Variants in CSMD1 observed in about 807,000 individuals in gnomAD.
CSMD1 encodes the protein CUB and sushi domain-containing protein 1.
CSMD1 carries 213 observed loss-of-function variants against 417.5 expected under a neutral mutation model. The ratio of observed to expected loss-of-function variants is 0.51; its 90% confidence interval spans 0.46 to 0.57. The LOEUF is 0.57. Ranked by LOEUF, CSMD1 falls within the 20% of genes least tolerant of loss-of-function variation. The probability of loss-of-function intolerance (pLI) is 0.00; values close to 1 mark genes in which losing one functional copy is unlikely to be tolerated. For missense variants in CSMD1, 6,923 were observed against 4,529.7 expected, an observed-to-expected ratio of 1.53 and a Z score of -15.17; for synonymous variants, 2,862 against 1,736.8, an observed-to-expected ratio of 1.65 and a Z score of -16.11.
chr8:3,221,674 T>C (rs1336245594), intron 28 of CSMD1, among the ~76,000 whole-genome samples: 1 of 152,074 alleles, frequency 6.6e-6, no homozygotes, highest in Non-Finnish European at 1.5e-5. Flanking sequence ...TCCTTATTTC[T>C]ACCTCTGCCA....
intron 26 of CSMD1, among the ~76,000 whole-genome samples, chr8:3,240,450 G>A (rs1457227168): frequency 6.6e-6 from 1 of 151,906 alleles, no homozygotes; most frequent in African/African-American, 2.4e-5. Flanking sequence ...ATAGGTGTTG[G>A]GGTTTGAGAG....
In CSMD1 at chr8:3,701,508, C is replaced by T. The variant is rs914924463; in HGVS notation, c.1009+6906G>A. Among the ~76,000 whole-genome samples the T allele has an allele frequency of 7.7e-4, 10 of 13,030 alleles. No individual in the cohort carries two copies. The African/African-American group carries it at 8.5e-3, about 11-fold the overall frequency. The allele number at this position is 13,030 out of a possible 152,430, so 8.5% of individuals were successfully genotyped here. A position where few individuals can be genotyped will look rare whatever the true frequency, so the allele number is the denominator to read the frequency against. ...GACTCTTCAGGATATAGGATTAAAC[C>T]TTATTTTTTTTTTTTAGCATATTGG... On this transcript the variant is annotated intron_variant, in intron 7 of 69. Transcript: ENST00000635120.
intron 23 of CSMD1, among the ~76,000 whole-genome samples, chr8:3,334,375 G>C (rs913068976): frequency 9.2e-5 from 14 of 152,120 alleles, no homozygotes; most frequent in Admixed American, 2.0e-4. Context: ...ACAATGCTTA[G>C]TGCTTCTGTA....
At chr8:3,916,118 A>C (rs1293719215) in intron 5 of CSMD1, among the ~76,000 whole-genome samples, 1 of 152,030 alleles carries the variant, frequency 6.6e-6, no homozygotes, top group Non-Finnish European at 1.5e-5. Flanking sequence ...AAAAGATAAC[A>C]TGCCAGTAAA....
chr8:4,765,833 G>A (rs770355419), intron 1 of CSMD1, among the ~76,000 whole-genome samples: 1 of 152,184 alleles, frequency 6.6e-6, no homozygotes, highest in Non-Finnish European at 1.5e-5. Flanking sequence ...AATAGTTAGA[G>A]AGAGCTTAGT....
At chr8:4,178,770 ATTG>A (rs1356920555) in intron 3 of CSMD1, among the ~76,000 whole-genome samples, 1 of 152,308 alleles carries the variant, frequency 6.6e-6, no homozygotes, top group East Asian at 1.9e-4. Flanking sequence ...AATTACAAGC[ATTG>A]TTATACACCA....
rs1024825354 is a variant in CSMD1 at position 4,299,292 on chromosome 8, C to A, written c.415+120661G>T. Reference sequence around the variant, plus strand: ...CGGATAAGATAAAGTTTTTCTTCACCCCCATCACCCCCAGAGAACGCACTT... The same window carrying A: ...CGGATAAGATAAAGTTTTTCTTCACACCCATCACCCCCAGAGAACGCACTT... On this transcript the variant is annotated intron_variant, in intron 3 of 69. Coordinates refer to ENST00000635120, the MANE Select transcript of CSMD1 (RefSeq NM_033225.6). Among the ~76,000 whole-genome samples the A allele has an allele frequency of 3.9e-5, 6 of 151,942 alleles. No homozygotes were observed. The East Asian group carries it at 1.2e-3, about 29-fold the overall frequency.
At chr8:4,052,634 C>T (rs1166825389) in intron 3 of CSMD1, among the ~76,000 whole-genome samples, 2 of 152,102 alleles carry the variant, frequency 1.3e-5, no homozygotes, top group Non-Finnish European at 2.9e-5. Context: ...TCAACCTAGG[C>T]ATCTCCTTTG....
intron 23 of CSMD1, among the ~76,000 whole-genome samples, chr8:3,340,667 T>A (rs975958815): frequency 1.3e-5 from 2 of 152,222 alleles, no homozygotes; most frequent in Non-Finnish European, 2.9e-5. Flanking sequence ...TTTGATGACC[T>A]TGGGGAGCTG....
intron 33 of CSMD1, 139 bp from the exon 34 acceptor site, chr8:3,190,254 G>A: frequency 3.4e-6 from 2 of 581,860 alleles, no homozygotes; most frequent in Non-Finnish European, 2.9e-6. Context: ...AATCGCTATA[G>A]AGAATGATTT....
chr8:4,018,874 G>C (rs1415975979), intron 4 of CSMD1, among the ~76,000 whole-genome samples: 1 of 152,142 alleles, frequency 6.6e-6, no homozygotes, highest in African/African-American at 2.4e-5. Flanking sequence ...ATCTAAACCA[G>C]AGGGATGATG....
intron 42 of CSMD1, among the ~76,000 whole-genome samples, chr8:3,115,437 G>C (rs1816808060): frequency 6.6e-6 from 1 of 152,102 alleles, no homozygotes; most frequent in South Asian, 2.1e-4. Flanking sequence ...CCTGACCTCA[G>C]GTGATCCACC....
At chr8:4,164,219 T>C (rs1048803705) in intron 3 of CSMD1, among the ~76,000 whole-genome samples, 6 of 151,944 alleles carry the variant, frequency 3.9e-5, no homozygotes, top group Non-Finnish European at 7.4e-5. Flanking sequence ...ATGACAAAAA[T>C]ATTTGAAATA....
intron 3 of CSMD1, among the ~76,000 whole-genome samples, chr8:4,356,705 C>A (rs533640803): frequency 6.6e-6 from 1 of 152,086 alleles, no homozygotes; most frequent in Admixed American, 6.6e-5. Flanking sequence ...TCCTTCTCAC[C>A]GTGCTCTCCA....
chr8:3,590,430 G>T (rs1800797565), intron 8 of CSMD1, among the ~76,000 whole-genome samples: 2 of 152,114 alleles, frequency 1.3e-5, no homozygotes, highest in African/African-American at 4.8e-5. Context: ...ACTCTTCTCA[G>T]ATTTCCACCA....
At chr8:4,646,820 AAAG>A (rs1307177682) in intron 1 of CSMD1, among the ~76,000 whole-genome samples, 1 of 152,238 alleles carries the variant, frequency 6.6e-6, no homozygotes, top group African/African-American at 2.4e-5. Flanking sequence ...GACAGACAGT[AAAG>A]AAGAATATAA....
intron 12 of CSMD1, among the ~76,000 whole-genome samples, chr8:3,463,288 T>G (rs530054971): frequency 6.6e-6 from 1 of 152,252 alleles, no homozygotes; most frequent in Non-Finnish European, 1.5e-5. Context: ...AGTCACCAAC[T>G]CAGGCTCTGC....
intron 32 of CSMD1, among the ~76,000 whole-genome samples, chr8:3,201,055 G>C (rs966893029): frequency 3.9e-5 from 6 of 152,200 alleles, no homozygotes; most frequent in African/African-American, 9.6e-5. Context: ...GTGTTTGTTA[G>C]AGACAGACTT....
At chr8:4,358,626 A>C (rs1801572781) in intron 3 of CSMD1, among the ~76,000 whole-genome samples, 1 of 152,244 alleles carries the variant, frequency 6.6e-6, no homozygotes, top group Admixed American at 6.5e-5. Flanking sequence ...GTATAACTAT[A>C]TCATGCAATA....
Sources: gnomAD v4.1 joint callset for allele counts (sites outside exome capture counted in the v4.1 genomes callset) on GRCh38, gnomAD v4.1.1 for gene constraint, MANE v1.5 for transcripts, NCBI Gene and HGNC (gene_info 2026-07-23, HGNC 2026-07-21) for gene names.